Variants in ZNF721 observed in about 807,000 individuals in gnomAD.
ZNF721 encodes zinc finger protein 721.
A neutral mutation model predicts 2.4 loss-of-function variants in ZNF721; 2 were observed. That is an observed-to-expected ratio of 0.82 (90% CI 0.34 to 2.58). The LOEUF (loss-of-function observed/expected upper bound fraction) is 2.58. Among genes scored for constraint, ZNF721 ranks in the 30% most tolerant of loss-of-function variants. The pLI is 0.11. For missense variants in ZNF721, 1,187 were observed against 1,085.5 expected, an observed-to-expected ratio of 1.09 and a Z score of -1.31; for synonymous variants, 398 against 381.8, an observed-to-expected ratio of 1.04 and a Z score of -0.50.
chr4:475,167 A>G (rs1715595090), intron 1 of ZNF721, among the ~76,000 whole-genome samples: 1 of 151,998 alleles, frequency 6.6e-6, no homozygotes, highest in South Asian at 2.1e-4. Context: ...AGGCTGGGTG[A>G]CAGAGCCAGA....
chr4:454,160 G>A (rs1432552836), intron 2 of ZNF721: 3 of 152,208 alleles, frequency 2.0e-5, no homozygotes, highest in African/African-American at 4.8e-5. Flanking sequence ...TCCCCTGGGG[G>A]GGCCCTCTGG....
Position 443,372 on chromosome 4 carries a change from G to C in ZNF721, c.1095C>G (p.Asp365Glu), listed in dbSNP as rs367748509. Residue 365 changes from aspartate to glutamate, a missense_variant, in exon 3 of 3, where the codon GAC becomes GAG. Asp to Glu is a conservative substitution (Grantham distance 45). Transcript: ENST00000511833. ...HTGEKPYKCE[D>E]CGKAFGRYTA... The stretch of plus-strand genomic sequence containing the variant: ...TGTACCGTCCAAAGGCTTTGCCACA[G>C]TCTTCGCATTTGTAAGGTTTCTCTC... 20 of 1,612,000 alleles carry C rather than the reference G, an allele frequency of 1.2e-5. No homozygotes were observed. The African/African-American group carries it at 1.6e-4, about 13-fold the overall frequency.
At chr4:467,791 C>T (rs782140813) in intron 2 of ZNF721, among the ~76,000 whole-genome samples, 4 of 152,154 alleles carry the variant, frequency 2.6e-5, no homozygotes, top group Non-Finnish European at 5.9e-5. Context: ...TTTGTAGTCA[C>T]AGTCCGTGGC....
At position 484,107 on chromosome 4, in the gene ZNF721, T is replaced by C. The variant is rs1338921219; in HGVS notation, c.-93-11406A>G. 2.6e-5 allele frequency among the ~76,000 whole-genome samples: 4 copies of C among 152,234 alleles called. No individual in the cohort carries two copies. In the East Asian group the frequency reaches 7.7e-4, roughly 29 times the overall value. On this transcript the variant is annotated intron_variant, in intron 1 of 2. Transcript: ENST00000511833. ...ATGGATTGTGAAGATTTTATGGACATTTATTAGTTCCCTAAATTAATACTT... is the reference window on the plus strand; with the variant it reads ...ATGGATTGTGAAGATTTTATGGACACTTATTAGTTCCCTAAATTAATACTT...
rs781827787 is a variant in ZNF721 at position 443,733 on chromosome 4, C to T, written c.734G>A (p.Gly245Glu). The T allele has an allele frequency of 3.0e-5, 48 of 1,613,974 alleles. No individual in the cohort carries two copies. Among genetic ancestry groups the T allele is most frequent in the Non-Finnish European group, 3.9e-5 (46 of 1,180,008 alleles). ...TTCCTTACATTTGTAGGGTTTCTCT[C>T]CAGTATGAATTTTCTCATGTTTATT... ...HLNKHEKIHT[G>E]EKPYKCKECG... The change falls in exon 3 of 3, where the codon GGA (glycine) becomes GAA (glutamate). Residue 245 changes from glycine (G) to glutamate (E), a missense_variant. Physicochemically the swap from Gly to Glu is moderately conservative, Grantham distance 98 (BLOSUM62 -2). Coordinates refer to ENST00000511833, the MANE Select transcript of ZNF721 (RefSeq NM_133474.4).
chr4:460,420 G>A (rs73070387), intron 2 of ZNF721, among the ~76,000 whole-genome samples: 10,621 of 152,056 alleles, frequency 0.07, 634 homozygotes, highest in African/African-American at 0.17. Context: ...TAGAATCTCT[G>A]GTACACAGCC....
intron 1 of ZNF721, among the ~76,000 whole-genome samples, chr4:492,694 A>G (rs1716053260): frequency 6.6e-6 from 1 of 150,590 alleles, no homozygotes; most frequent in Admixed American, 6.6e-5. Flanking sequence ...TTTGTCCTGA[A>G]CATCCCTCTT....
intron 2 of ZNF721, among the ~76,000 whole-genome samples, chr4:454,786 C>T (rs1313774513): frequency 2.0e-5 from 3 of 152,150 alleles, no homozygotes; most frequent in Admixed American, 6.5e-5. Context: ...CTGTGTGAGC[C>T]CCTTGACACG....
intron 2 of ZNF721, among the ~76,000 whole-genome samples, chr4:462,062 A>C (rs1715088781): frequency 6.6e-6 from 1 of 152,236 alleles, no homozygotes; most frequent in South Asian, 2.1e-4. Context: ...CAGCAGTCTC[A>C]GGATACAAAA....
intron 1 of ZNF721, among the ~76,000 whole-genome samples, chr4:492,700 CT>C: frequency 6.7e-6 from 1 of 148,186 alleles, no homozygotes; most frequent in East Asian, 2.0e-4. Flanking sequence ...CTGAACATCC[CT>C]CTTTCTTAAA....
intron 2 of ZNF721, among the ~76,000 whole-genome samples, chr4:449,891 A>C (rs987372238): frequency 2.4e-4 from 36 of 152,338 alleles, no homozygotes; most frequent in African/African-American, 7.7e-4. Flanking sequence ...AATTAGAAAG[A>C]CAAAAATATG....
At chr4:450,183 G>C (rs1714605695) in intron 2 of ZNF721, among the ~76,000 whole-genome samples, 1 of 149,580 alleles carries the variant, frequency 6.7e-6, no homozygotes, top group Non-Finnish European at 1.5e-5. Context: ...TTTCATTGTA[G>C]CTAAACAAAA....
chr4:470,376 T>TAAACTGCTTCTTCACA (rs1423784490), intron 2 of ZNF721, among the ~76,000 whole-genome samples: 1 of 152,096 alleles, frequency 6.6e-6, no homozygotes, highest in Non-Finnish European at 1.5e-5. Context: ...TGTATCAAAG[T>TAAACTGCTTCTTCACA]AAACTGCTTC....
Position 489,239 on chromosome 4 carries a change from G to A in ZNF721, c.-94+9817C>T, listed in dbSNP as rs114727399. On this transcript the variant is annotated intron_variant, in intron 1 of 2. Coordinates refer to ENST00000511833, the MANE Select transcript of ZNF721 (RefSeq NM_133474.4). Reference sequence around the variant, plus strand: ...GGCATGCTCAGATCCAACACCCTTAGGGGAGAAATTGACCCCTCCCATTTG... The same window carrying A: ...GGCATGCTCAGATCCAACACCCTTAAGGGAGAAATTGACCCCTCCCATTTG... Among the ~76,000 whole-genome samples, 996 of 152,240 alleles carry A rather than the reference G, an allele frequency of 6.5e-3. 3 individuals carry two copies. The highest frequency in any genetic ancestry group is 0.011 in the Non-Finnish European group (770 of 68,016).
At chr4:494,661 TAG>T (rs1716104914) in intron 1 of ZNF721, among the ~76,000 whole-genome samples, 1 of 152,106 alleles carries the variant, frequency 6.6e-6, no homozygotes, top group Admixed American at 6.6e-5. Context: ...TCATAAGGTA[TAG>T]AGAGAAAAAG....
At chr4:449,749 C>T (rs1031220095) in intron 2 of ZNF721, among the ~76,000 whole-genome samples, 3 of 152,066 alleles carry the variant, frequency 2.0e-5, no homozygotes, top group African/African-American at 7.2e-5. Flanking sequence ...AGGCAAGAGA[C>T]TTTAAGAGAC....
At chr4:486,302 G>A (rs534436427) in intron 1 of ZNF721, among the ~76,000 whole-genome samples, 2 of 152,182 alleles carry the variant, frequency 1.3e-5, no homozygotes, top group South Asian at 4.2e-4. Context: ...GGGACTACAG[G>A]CGTCCGCCAC....
At chr4:471,309 T>C (rs1176252670) in intron 2 of ZNF721, among the ~76,000 whole-genome samples, 1 of 152,182 alleles carries the variant, frequency 6.6e-6, no homozygotes, top group African/African-American at 2.4e-5. Context: ...CCCATGTTCA[T>C]TGTAGTATTT....
At chr4:488,107 A>G (rs1375340172) in intron 1 of ZNF721, among the ~76,000 whole-genome samples, 1 of 152,222 alleles carries the variant, frequency 6.6e-6, no homozygotes, top group Non-Finnish European at 1.5e-5. Flanking sequence ...AGAAAACATT[A>G]TAACCAGGTC....
Sources: allele counts gnomAD v4.1 joint callset (sites outside exome capture counted in the v4.1 genomes callset), GRCh38; gene constraint gnomAD v4.1.1; transcripts MANE v1.5; gene names NCBI Gene and HGNC (gene_info 2026-07-23, HGNC 2026-07-21).